MARCHF10: variants seen among roughly 807,000 people sequenced by gnomAD.
MARCHF10 encodes probable E3 ubiquitin-protein ligase MARCHF10.
MARCHF10 carries 64 observed loss-of-function variants against 76.2 expected under a neutral mutation model. The observed-to-expected ratio is 0.84, with a 90% CI of 0.69 to 1.03. MARCHF10 has a LOEUF of 1.03. MARCHF10 is among the 50% of genes least tolerant of loss of function. MARCHF10 has a pLI of 0.00. For missense variants in MARCHF10, 875 were observed against 958.0 expected (o/e 0.91, Z 1.14); for synonymous variants, 340 against 357.5 (o/e 0.95, Z 0.55).
intron 5 of MARCHF10, among the ~76,000 whole-genome samples, chr17:62,742,982 G>A (rs2091570977): frequency 6.6e-6 from 1 of 152,158 alleles, no homozygotes; most frequent in Admixed American, 6.5e-5. Context: ...GTTGTTGGCA[G>A]GAGAGAAACT....
At chr17:62,745,579 T>C (rs1161278190) in intron 4 of MARCHF10, among the ~76,000 whole-genome samples, 1 of 152,196 alleles carries the variant, frequency 6.6e-6, no homozygotes, top group Non-Finnish European at 1.5e-5. Context: ...TCAGGTTTAT[T>C]AGCAAACATG....
chr17:62,793,288 CCACCACCACCACCTCCAT>C (rs2092908888), intron 2 of MARCHF10, among the ~76,000 whole-genome samples: 2 of 138,950 alleles, frequency 1.4e-5, no homozygotes, highest in Admixed American at 1.4e-4. Flanking sequence ...CCATCACCAC[CCACCACCACCACCTCCAT>C]CACCACCACC....
At chr17:62,802,080 T>A (rs1168585785) in intron 1 of MARCHF10, among the ~76,000 whole-genome samples, 1 of 152,168 alleles carries the variant, frequency 6.6e-6, no homozygotes, top group African/African-American at 2.4e-5. Context: ...CCTAGCTAAA[T>A]AAGCAGTGAC....
In MARCHF10 at chr17:62,736,121, T is replaced by C. The variant is rs567225261; in HGVS notation, c.1747A>G (p.Met583Val). Residue 583 changes from methionine (M) to valine (V), a missense_variant, in exon 6 of 11, where the codon ATG becomes GTG. Transcript: ENST00000311269. ...VDSSSSSPSR[M>V]NSEGHLHVSG... ...ACATGCAAATGGCCTTCTGAGTTCA[T>C]TCTTGATGGAGAGGAGCTGGAAGAA... The C allele has an allele frequency of 6.2e-7, 1 of 1,614,202 alleles. No individual in the cohort carries two copies. Among genetic ancestry groups the C allele is most frequent in the African/African-American group, 1.3e-5 (1 of 75,060 alleles).
chr17:62,756,935 C>T (rs2092061215), intron 4 of MARCHF10, among the ~76,000 whole-genome samples: 1 of 152,216 alleles, frequency 6.6e-6, no homozygotes, highest in Non-Finnish European at 1.5e-5. Flanking sequence ...TGAATTCCTT[C>T]TAACAGGATG....
intron 4 of MARCHF10, among the ~76,000 whole-genome samples, chr17:62,753,844 C>T (rs1201040906): frequency 1.3e-5 from 2 of 152,112 alleles, no homozygotes; most frequent in African/African-American, 2.4e-5. Flanking sequence ...GGGCAGGCCC[C>T]GTGTGTTTTG....
chr17:62,795,776 G>T (rs566581435), intron 2 of MARCHF10, among the ~76,000 whole-genome samples: 1 of 152,310 alleles, frequency 6.6e-6, no homozygotes, highest in South Asian at 2.1e-4. Flanking sequence ...TGGGATTCGT[G>T]TCTAGTTATT....
chr17:62,807,974 T>G (rs1483152367), intron 1 of MARCHF10, 103 bp downstream of exon 1: 2 of 152,208 alleles, frequency 1.3e-5, no homozygotes, highest in East Asian at 3.9e-4. Flanking sequence ...GGCCACCGGA[T>G]GTCAGGCCCG....
chr17:62,741,846 C>T (rs2091517990), intron 5 of MARCHF10, among the ~76,000 whole-genome samples: 1 of 151,802 alleles, frequency 6.6e-6, no homozygotes, highest in Non-Finnish European at 1.5e-5. Context: ...AGGTGCCCGC[C>T]ACCACGCCTG....
At chr17:62,744,597 T>C (rs762386027) in intron 4 of MARCHF10, 69 bp from the exon 5 acceptor site, 20 of 1,560,332 alleles carry the variant, frequency 1.3e-5, no homozygotes, top group Admixed American at 1.8e-5. Context: ...TAAAGAACGT[T>C]CAAAGGGCCC....
chr17:62,733,820 A>G (rs994953945), intron 6 of MARCHF10, among the ~76,000 whole-genome samples: 2 of 152,256 alleles, frequency 1.3e-5, no homozygotes, highest in African/African-American at 2.4e-5. Flanking sequence ...AGCAAGTCAC[A>G]GAAGACTAGA....
intron 10 of MARCHF10, among the ~76,000 whole-genome samples, chr17:62,703,845 TC>T (rs1265729334): frequency 6.6e-6 from 1 of 152,168 alleles, no homozygotes; most frequent in Non-Finnish European, 1.5e-5. Context: ...ACGTCGGTCT[TC>T]CCTGGGGCCG....
intron 3 of MARCHF10, among the ~76,000 whole-genome samples, chr17:62,769,103 A>G (rs1357591119): frequency 6.6e-6 from 1 of 152,172 alleles, no homozygotes. Flanking sequence ...GGGTGTGATT[A>G]TTTTATAGGT....
chr17:62,714,431 TC>T (rs2090087528), intron 8 of MARCHF10: 1 of 985,046 alleles, frequency 1.0e-6, no homozygotes, highest in Non-Finnish European at 1.2e-6. Context: ...CACCAACACA[TC>T]CTACAAGAGA....
At chr17:62,724,663 T>C (rs1232016464) in intron 7 of MARCHF10, among the ~76,000 whole-genome samples, 1 of 151,914 alleles carries the variant, frequency 6.6e-6, no homozygotes, top group African/African-American at 2.4e-5. Context: ...CAAGCAGAGG[T>C]AGAATTCAAT....
intron 10 of MARCHF10, among the ~76,000 whole-genome samples, chr17:62,703,992 C>T (rs1186957624): frequency 1.3e-5 from 2 of 152,100 alleles, no homozygotes; most frequent in South Asian, 2.1e-4. Context: ...GCCCGGTCGC[C>T]GCAGGTTTCC....
At chr17:62,704,307 C>T (rs769590931) in intron 10 of MARCHF10, among the ~76,000 whole-genome samples, 102 of 152,140 alleles carry the variant, frequency 6.7e-4, no homozygotes, top group Non-Finnish European at 1.3e-3. Context: ...GCGCCCTTCC[C>T]GGCTGCGGAG....
At chr17:62,743,736 G>A (rs376854825) in intron 5 of MARCHF10, among the ~76,000 whole-genome samples, 1 of 152,162 alleles carries the variant, frequency 6.6e-6, no homozygotes, top group African/African-American at 2.4e-5. Context: ...GAAAGAATGG[G>A]TCTATGGCCA....
chr17:62,713,509 G>A lies in MARCHF10; in HGVS notation c.2215-2165C>T, dbSNP rs556985772. 1.6e-4 allele frequency among the ~76,000 whole-genome samples: 24 copies of A among 152,304 alleles called. 1 individual carries two copies. In the South Asian group the frequency reaches 4.8e-3, roughly 30 times the overall value. On this transcript the variant is annotated intron_variant, in intron 8 of 10. Coordinates refer to ENST00000311269, the MANE Select transcript of MARCHF10 (RefSeq NM_152598.4). ...CCTGCCACACAGTGCCATCAATCTCGCCGGCTCGGTTCCTTTATGTGCGCC... is the reference window on the plus strand; with the variant it reads ...CCTGCCACACAGTGCCATCAATCTCACCGGCTCGGTTCCTTTATGTGCGCC...
Sources: allele counts gnomAD v4.1 joint callset (sites outside exome capture counted in the v4.1 genomes callset), GRCh38; gene constraint gnomAD v4.1.1; transcripts MANE v1.5; gene names NCBI Gene and HGNC (gene_info 2026-07-23, HGNC 2026-07-21).